The following SAMD5 variants were observed in gnomAD, a reference collection of about 807,000 sequenced individuals.
SAMD5 encodes the protein sterile alpha motif domain-containing protein 5.
A neutral mutation model predicts 11.3 loss-of-function variants in SAMD5; 13 were observed. The ratio of observed to expected loss-of-function variants is 1.15; its 90% CI spans 0.75 to 1.83. SAMD5 has a LOEUF of 1.83. SAMD5 is among the 40% of genes most tolerant of loss of function. The pLI is 0.00. For missense variants in SAMD5, 255 were observed against 239.1 expected, an observed-to-expected ratio of 1.07 and a Z score of -0.44; for synonymous variants, 129 against 111.3, an observed-to-expected ratio of 1.16 and a Z score of -1.00.
chr6:147,849,687 ACT>A, the SAMD5 span, among the ~76,000 whole-genome samples: 5 of 152,116 alleles, frequency 3.3e-5, no homozygotes, highest in Admixed American at 2.6e-4. Context: ...AAAGTTCAAA[ACT>A]CTGTATGTTA....
At chr6:147,936,654 G>A in the SAMD5 span, among the ~76,000 whole-genome samples, 445 of 152,140 alleles carry the variant, frequency 2.9e-3, 1 homozygote, top group African/African-American at 0.01. Context: ...TCCAAACTAC[G>A]TCAACCATCA....
At chr6:147,607,193 A>G (rs2128448765) in intron 1 of SAMD5, among the ~76,000 whole-genome samples, 1 of 152,298 alleles carries the variant, frequency 6.6e-6, no homozygotes, top group East Asian at 1.9e-4. Context: ...GCACACCAAA[A>G]AAATGGAAAA....
the SAMD5 span, among the ~76,000 whole-genome samples, chr6:147,863,923 A>T: frequency 6.8e-6 from 1 of 146,652 alleles, no homozygotes; most frequent in African/African-American, 2.6e-5. Context: ...GGCTCACCAC[A>T]ACCTCTGCCT....
chr6:147,715,571 T>C (rs992935503), intron 1 of SAMD5, among the ~76,000 whole-genome samples: 5 of 152,188 alleles, frequency 3.3e-5, no homozygotes, highest in Non-Finnish European at 7.3e-5. Flanking sequence ...CCCCTCTCCT[T>C]CTTGTCACCC....
intron 1 of SAMD5, among the ~76,000 whole-genome samples, chr6:147,713,433 G>A (rs1438290124): frequency 1.3e-5 from 2 of 152,102 alleles, no homozygotes; most frequent in Non-Finnish European, 2.9e-5. Context: ...CATAACCTGG[G>A]TTGTTCTGGA....
chr6:147,776,563 T>C, the SAMD5 span, among the ~76,000 whole-genome samples: 17 of 152,318 alleles, frequency 1.1e-4, no homozygotes, highest in African/African-American at 3.8e-4. Context: ...GTTTTCCTTT[T>C]TTATTCTGTG....
At chr6:147,867,620 G>A in the SAMD5 span, among the ~76,000 whole-genome samples, 2 of 152,002 alleles carry the variant, frequency 1.3e-5, no homozygotes, top group East Asian at 3.9e-4. Context: ...GAGGCCAAGG[G>A]GTCTCCTTTC....
chr6:147,535,721 C>T (rs113718393), intron 1 of SAMD5, among the ~76,000 whole-genome samples: 3,137 of 152,174 alleles, frequency 0.021, 111 homozygotes, highest in African/African-American at 0.072. Context: ...TTTTGAAAGT[C>T]GAGCCTAGCC....
At chr6:147,596,350 C>T (rs9485202) in intron 1 of SAMD5, among the ~76,000 whole-genome samples, 7,401 of 152,204 alleles carry the variant, frequency 0.049, 552 homozygotes, top group African/African-American at 0.16. Context: ...TATTCTCAAG[C>T]ATTAAACTTA....
chr6:147,674,507 C>G (rs528789423), intron 1 of SAMD5, among the ~76,000 whole-genome samples: 25 of 152,278 alleles, frequency 1.6e-4, no homozygotes, highest in African/African-American at 5.8e-4. Context: ...TAATCTGAGT[C>G]CTTCTCAATG....
At chr6:147,847,274 G>A in the SAMD5 span, among the ~76,000 whole-genome samples, 36 of 152,268 alleles carry the variant, frequency 2.4e-4, no homozygotes, top group Non-Finnish European at 4.9e-4. Flanking sequence ...TCTAATTCAA[G>A]TGTTCTCATT....
At chr6:147,823,660 G>T in the SAMD5 span, among the ~76,000 whole-genome samples, 1 of 152,086 alleles carries the variant, frequency 6.6e-6, no homozygotes. Context: ...CCAAAAAAAA[G>T]AGAAGATAAT....
chr6:147,567,787 C>T lies in SAMD5; in HGVS notation c.*3331C>T, dbSNP rs1464827682. 2 of 985,286 alleles carry T rather than the reference C, an allele frequency of 2.0e-6. No homozygotes were observed. Among genetic ancestry groups the T allele is most frequent in the East Asian group, 1.1e-4 (1 of 8,800 alleles). 61.0% of individuals were successfully genotyped at this position (985,286 alleles called of 1,614,324 possible). A position where few individuals can be genotyped will look rare whatever the true frequency, so the allele number is the denominator to read the frequency against. On this transcript the variant is annotated 3_prime_UTR_variant, in exon 2 of 2. Coordinates refer to ENST00000367474, the MANE Select transcript of SAMD5 (RefSeq NM_001030060.3). ...CCACTGAATAAGTCCCCTTTGATTT[C>T]TCTCAGGAAGGATAAAAAAGGCTAC...
intron 1 of SAMD5, among the ~76,000 whole-genome samples, chr6:147,696,089 AG>A (rs1477669419): frequency 6.6e-6 from 1 of 152,126 alleles, no homozygotes; most frequent in Non-Finnish European, 1.5e-5. Context: ...GTGGCAGACC[AG>A]GCTGTGCATA....
rs1458059928 is a variant in SAMD5, at chr6:147,637,510, G to A, written c.163-99807G>A. ...GTGCTTATTTGATGGGAGGGATGAA[G>A]GGCTATAAGGCTATTGCCATTTTGT... On this transcript the variant is annotated intron_variant, in intron 1 of 1. Transcript: ENST00000566741. Among the ~76,000 whole-genome samples the A allele has an allele frequency of 3.3e-5, 5 of 152,162 alleles. No homozygotes were observed. In the East Asian group the frequency reaches 7.7e-4, roughly 23 times the overall value.
chr6:147,617,293 A>T (rs1248000481), intron 1 of SAMD5, among the ~76,000 whole-genome samples: 1 of 152,156 alleles, frequency 6.6e-6, no homozygotes, highest in Non-Finnish European at 1.5e-5. Flanking sequence ...GACACTCAGG[A>T]ACTTCAAGAA....
At chr6:147,902,771 A>C in the SAMD5 span, among the ~76,000 whole-genome samples, 1 of 152,162 alleles carries the variant, frequency 6.6e-6, no homozygotes, top group African/African-American at 2.4e-5. Context: ...TCATCTTCTT[A>C]AAACTTTTTC....
the SAMD5 span, among the ~76,000 whole-genome samples, chr6:147,889,448 C>A: frequency 6.6e-6 from 1 of 152,176 alleles, no homozygotes; most frequent in South Asian, 2.1e-4. Flanking sequence ...ATTCTATAAT[C>A]TGTGTTATTT....
At chr6:147,728,219 A>C (rs1310291890) in intron 1 of SAMD5, among the ~76,000 whole-genome samples, 1 of 152,134 alleles carries the variant, frequency 6.6e-6, no homozygotes, top group Non-Finnish European at 1.5e-5. Flanking sequence ...TGAGGTCAGG[A>C]GTTTGAGACC....
Sources: allele counts gnomAD v4.1 joint callset (sites outside exome capture counted in the v4.1 genomes callset), GRCh38; gene constraint gnomAD v4.1.1; transcripts MANE v1.5; gene names NCBI Gene and HGNC (gene_info 2026-07-23, HGNC 2026-07-21).